The following GPA33 variants were observed in gnomAD, a reference collection of about 807,000 sequenced individuals.
GPA33 encodes the protein cell surface A33 antigen.
In GPA33, 27 loss-of-function variants were observed where a neutral mutation model predicts 35.6. That is an observed-to-expected ratio of 0.76 (90% CI 0.56 to 1.04). GPA33 has a LOEUF of 1.04. Ranked by LOEUF, GPA33 falls within the 50% of genes least tolerant of loss-of-function variation. The probability of loss-of-function intolerance (pLI) is 0.00; values close to 1 mark genes in which losing one functional copy is unlikely to be tolerated. For missense variants in GPA33, 428 were observed against 411.9 expected, an observed-to-expected ratio of 1.04 and a Z score of -0.34; for synonymous variants, 176 against 164.0, an observed-to-expected ratio of 1.07 and a Z score of -0.56.
In GPA33 at chr1:167,054,255, CT is replaced by C; in HGVS notation, c.*78del. 1 of 1,550,782 alleles carries C rather than the reference CT, an allele frequency of 6.4e-7. No individual in the cohort carries two copies. The highest frequency in any genetic ancestry group is 2.2e-5 in the East Asian group (1 of 44,582). On this transcript the variant is annotated 3_prime_UTR_variant, in exon 7 of 7. Coordinates refer to ENST00000367868, the MANE Select transcript of GPA33 (RefSeq NM_005814.3). ...GGGATGGAGGGACAGGAGAACAGGG[CT>C]TAGAAAGGAGAAGGGAGGCCAGGAA...
intron 2 of GPA33, among the ~76,000 whole-genome samples, chr1:167,072,184 C>T (rs995910971): frequency 2.0e-5 from 3 of 152,190 alleles, no homozygotes; most frequent in African/African-American, 7.2e-5. Context: ...TAGGCCACCC[C>T]TTCTTTCCTG....
At chr1:167,056,689 G>GTGATGA (rs1417438857) in intron 4 of GPA33, among the ~76,000 whole-genome samples, 2 of 118,520 alleles carry the variant, frequency 1.7e-5, no homozygotes, top group East Asian at 4.7e-4. Context: ...TCTGGTGTGT[G>GTGATGA]GTGGGTGTGT....
At chr1:167,074,114 G>C (rs1019082907) in intron 1 of GPA33, among the ~76,000 whole-genome samples, 11 of 150,198 alleles carry the variant, frequency 7.3e-5, no homozygotes, top group African/African-American at 2.2e-4. Flanking sequence ...GAGTTTATCA[G>C]AACAAGGTTA....
At chr1:167,085,707 A>G (rs1667034148) in intron 1 of GPA33, among the ~76,000 whole-genome samples, 1 of 152,248 alleles carries the variant, frequency 6.6e-6, no homozygotes, top group East Asian at 1.9e-4. Flanking sequence ...AATGCATACC[A>G]TTGAGCCCCC....
intron 1 of GPA33, among the ~76,000 whole-genome samples, chr1:167,076,143 C>T (rs10918617): frequency 1.5e-3 from 233 of 152,214 alleles, no homozygotes; most frequent in African/African-American, 5.3e-3. Flanking sequence ...GAGTTTACGC[C>T]CTTTTTCCCA....
Position 167,054,295 on chromosome 1 carries a change from C to A in GPA33, c.*39G>T, listed in dbSNP as rs1558000172. On this transcript the variant is annotated 3_prime_UTR_variant, in exon 7 of 7. Coordinates refer to ENST00000367868, the MANE Select transcript of GPA33 (RefSeq NM_005814.3). ...GGAGGCCAGGAAGCGGGAGAATGAA[C>A]CCCTAACCCTTCCTCCGCCGCCCTC... 1 of 1,612,160 alleles carries A rather than the reference C, an allele frequency of 6.2e-7. No homozygotes were observed. Among genetic ancestry groups the A allele is most frequent in the Non-Finnish European group, 8.5e-7 (1 of 1,179,270 alleles).
intron 2 of GPA33, among the ~76,000 whole-genome samples, chr1:167,070,416 T>A (rs941139113): frequency 2.0e-5 from 3 of 152,172 alleles, no homozygotes; most frequent in African/African-American, 7.2e-5. Flanking sequence ...AGGTATATGA[T>A]TACACTCATT....
chr1:167,084,881 T>C (rs1399966266), intron 1 of GPA33, among the ~76,000 whole-genome samples: 2 of 152,208 alleles, frequency 1.3e-5, no homozygotes, highest in Non-Finnish European at 2.9e-5. Context: ...TACACAGCAA[T>C]AGAAAATGTA....
intron 1 of GPA33, among the ~76,000 whole-genome samples, chr1:167,076,971 C>T (rs966964230): frequency 1.3e-5 from 2 of 151,952 alleles, no homozygotes; most frequent in Admixed American, 6.6e-5. Context: ...TTTGGGAGGC[C>T]GAGGTGGATG....
chr1:167,086,016 C>T (rs1317928219), intron 1 of GPA33, among the ~76,000 whole-genome samples: 1 of 152,232 alleles, frequency 6.6e-6, no homozygotes, highest in Non-Finnish European at 1.5e-5. Flanking sequence ...AGCCACTGGC[C>T]TAAACTATTA....
rs767246696 is a variant in GPA33 at position 167,063,695 on chromosome 1, A to G, written c.458T>C (p.Ile153Thr). ...GGTCAGCTGGATGTTGTTCCCAATT[A>G]TGGTCTCTCCCTCGATGCCGCATTC... is the stretch of plus-strand genomic sequence containing the variant. ...KPECGIEGET[I>T]IGNNIQLTCQ... Residue 153 changes from isoleucine to threonine, a missense_variant, in exon 4 of 7, where the codon ATA becomes ACA. By Grantham distance (89) the Ile-to-Thr change is moderately conservative (BLOSUM62 -1). Transcript: ENST00000367868. The G allele has an allele frequency of 6.2e-7, 1 of 1,613,498 alleles. No homozygotes were observed. The highest frequency in any genetic ancestry group is 8.5e-7 in the Non-Finnish European group (1 of 1,179,952).
At chr1:167,084,464 A>T (rs1226112095) in intron 1 of GPA33, among the ~76,000 whole-genome samples, 1 of 152,262 alleles carries the variant, frequency 6.6e-6, no homozygotes, top group Admixed American at 6.5e-5. Flanking sequence ...TGCTCTCAAC[A>T]AAAGGTGTTC....
chr1:167,057,646 G>A (rs1394647639), intron 4 of GPA33, among the ~76,000 whole-genome samples: 3 of 152,116 alleles, frequency 2.0e-5, no homozygotes, highest in African/African-American at 7.2e-5. Context: ...TCCTCTCTCC[G>A]CCCCACCGTC....
intron 1 of GPA33, among the ~76,000 whole-genome samples, chr1:167,082,876 T>C (rs1666979361): frequency 6.6e-6 from 1 of 152,026 alleles, no homozygotes; most frequent in South Asian, 2.1e-4. Context: ...CAAAGGTCAC[T>C]GGGTAGGAGA....
chr1:167,077,409 C>T (rs1377050684), intron 1 of GPA33, among the ~76,000 whole-genome samples: 1 of 152,186 alleles, frequency 6.6e-6, no homozygotes, highest in African/African-American at 2.4e-5. Context: ...CCTCTTCTGT[C>T]CTTGCCTGGA....
chr1:167,085,973 C>T (rs1351864642), intron 1 of GPA33, among the ~76,000 whole-genome samples: 1 of 152,210 alleles, frequency 6.6e-6, no homozygotes, highest in African/African-American at 2.4e-5. Context: ...ATTTTCACTT[C>T]CCAGGTGACT....
At position 167,055,868 on chromosome 1, in the gene GPA33, C is replaced by A; in HGVS notation, c.572-19G>T. 1 of 1,613,610 alleles carries A rather than the reference C, an allele frequency of 6.2e-7. No homozygotes were observed. Among genetic ancestry groups the A allele is most frequent in the South Asian group, 1.1e-5 (1 of 91,012 alleles). ...CCTGAGGCTGCAGGGGAAGAAGAGT[C>A]AGGGTGAAGAGAGGCACTACAGTGG... On this transcript the variant is annotated intron_variant, in intron 4 of 6. Transcript: ENST00000367868.
In GPA33 at chr1:167,073,389, T is replaced by C; in HGVS notation, c.194A>G (p.His65Arg). ...GAACTTGTAAAGTATCCTTACCGTATGAGTGAGGAGGAGCTTATCCCATTG... is the reference window on the plus strand; with the variant it reads ...GAACTTGTAAAGTATCCTTACCGTACGAGTGAGGAGGAGCTTATCCCATTG... ...LIQWDKLLLT[H>R]TERVVIWPFS... Residue 65 changes from histidine (H) to arginine (R), a missense_variant, in exon 2 of 7, where the codon CAT becomes CGT. Coordinates refer to ENST00000367868, the MANE Select transcript of GPA33 (RefSeq NM_005814.3). 6.2e-7 allele frequency: 1 copy of C among 1,613,322 alleles called. No individual in the cohort carries two copies. The highest frequency in any genetic ancestry group is 1.1e-5 in the South Asian group (1 of 91,066).
At chr1:167,073,595 C>CA in intron 1 of GPA33, 56 bp from the exon 2 acceptor site, 1 of 1,441,464 alleles carries the variant, frequency 6.9e-7, no homozygotes, top group Non-Finnish European at 9.6e-7. Flanking sequence ...CAGACATACC[C>CA]ACTCACTGCC....
Sources: gnomAD v4.1 joint callset for allele counts (sites outside exome capture counted in the v4.1 genomes callset) on GRCh38, gnomAD v4.1.1 for gene constraint, MANE v1.5 for transcripts, NCBI Gene and HGNC (gene_info 2026-07-23, HGNC 2026-07-21) for gene names.